Variants in ARFGEF3 observed in about 807,000 individuals in gnomAD.
ARFGEF3 encodes brefeldin A-inhibited guanine nucleotide-exchange protein 3.
ARFGEF3 carries 96 observed loss-of-function variants against 221.7 expected under a neutral mutation model. The observed-to-expected ratio is 0.43, with a 90% CI of 0.37 to 0.51. ARFGEF3 has a LOEUF of 0.51. ARFGEF3 is among the 20% of genes least tolerant of loss of function. The probability of loss-of-function intolerance (pLI) is 0.00; values close to 1 mark genes in which losing one functional copy is unlikely to be tolerated. For synonymous variants in ARFGEF3, 1,145 were observed against 1,126.8 expected (o/e 1.02, Z -0.32); for missense variants, 2,410 against 2,789.9 (o/e 0.86, Z 3.07).
At chr6:138,299,791 A>T (rs1218364081) in intron 22 of ARFGEF3, among the ~76,000 whole-genome samples, 1 of 152,226 alleles carries the variant, frequency 6.6e-6, no homozygotes. Context: ...AATTAAAACA[A>T]ACTTCCTGAG....
In ARFGEF3 at chr6:138,229,849, G is replaced by A. The variant is rs563084151; in HGVS notation, c.417G>A (p.Ala139=). 32 of 1,613,224 alleles carry A rather than the reference G, an allele frequency of 2.0e-5. No homozygotes were observed. Among genetic ancestry groups the A allele is most frequent in the African/African-American group, 6.7e-5 (5 of 75,018 alleles). ...DLNGSAVLKI[A]EVCIETYISS... ...ATGGGAGTGCCGTGCTGAAGATCGC[G>A]GAGGTGAGTACTGCTTGTGTCTGTG... The change falls in exon 5 of 34, where the codon GCG becomes GCA. Residue 139 remains alanine, a synonymous_variant. Transcript: ENST00000251691.
At chr6:138,243,123 G>A (rs1214177522) in intron 7 of ARFGEF3, 129 bp downstream of exon 7, 6 of 763,262 alleles carry the variant, frequency 7.9e-6, no homozygotes, top group Non-Finnish European at 1.4e-5. Flanking sequence ...TGGAGGTTGT[G>A]CTTGGCTTTG....
At chr6:138,213,872 TG>T (rs1452310016) in intron 4 of ARFGEF3, among the ~76,000 whole-genome samples, 1 of 152,188 alleles carries the variant, frequency 6.6e-6, no homozygotes, top group Non-Finnish European at 1.5e-5. Flanking sequence ...AACTATACTT[TG>T]GGTAATGTTG....
At position 138,336,256 on chromosome 6, in the gene ARFGEF3, G is replaced by C. The variant is rs200949952; in HGVS notation, c.6343-39G>C. 3 of 1,443,152 alleles carry C rather than the reference G, an allele frequency of 2.1e-6. No individual in the cohort carries two copies. The Admixed American group carries it at 7.1e-5, about 34-fold the overall frequency. 89.4% of individuals were successfully genotyped at this position (1,443,152 alleles called of 1,614,324 possible). A position where few individuals can be genotyped will look rare whatever the true frequency, so the allele number is the denominator to read the frequency against. ...CTCTCAAGTGTTCAAATAAAACCAG[G>C]GGGGAAAGCCACTGATTTTCTTAAA... On this transcript the variant is annotated intron_variant, in intron 33 of 33. Transcript: ENST00000251691.
chr6:138,319,293 AT>A (rs1214758541), intron 27 of ARFGEF3, among the ~76,000 whole-genome samples: 4 of 151,126 alleles, frequency 2.6e-5, no homozygotes, highest in African/African-American at 9.8e-5. Flanking sequence ...AAAAAAAAAA[AT>A]GAGTATGCAG....
At chr6:138,183,431 TA>T (rs1268029551) in intron 2 of ARFGEF3, among the ~76,000 whole-genome samples, 1 of 152,218 alleles carries the variant, frequency 6.6e-6, no homozygotes, top group Non-Finnish European at 1.5e-5. Flanking sequence ...AGGATGTTTT[TA>T]TGAATGTTTG....
At chr6:138,271,056 A>G (rs1778995933) in intron 12 of ARFGEF3, among the ~76,000 whole-genome samples, 1 of 152,240 alleles carries the variant, frequency 6.6e-6, no homozygotes, top group Non-Finnish European at 1.5e-5. Flanking sequence ...GCCAGATGAT[A>G]GGCGCCTCAA....
rs1341439729 is a variant in ARFGEF3, at chr6:138,334,821, C to G, written c.5975C>G (p.Pro1992Arg). 1.2e-6 allele frequency: 2 copies of G among 1,601,256 alleles called. No homozygotes were observed. The highest frequency in any genetic ancestry group is 8.5e-7 in the Non-Finnish European group (1 of 1,174,308). ...GGGGACCTGCTGCTGCCCCCCAGCCCCAAAGTGGAGAAGAAGGATCCCAGC... is the reference window on the plus strand; with the variant it reads ...GGGGACCTGCTGCTGCCCCCCAGCCGCAAAGTGGAGAAGAAGGATCCCAGC... ...GGGDLLLPPS[P>R]KVEKKDPSRK... The change falls in exon 33 of 34, where the codon CCC (proline) becomes CGC (arginine). Residue 1992 changes from proline to arginine, a missense_variant. By Grantham distance (103) the Pro-to-Arg change is moderately radical. Coordinates refer to ENST00000251691, the MANE Select transcript of ARFGEF3 (RefSeq NM_020340.5). The surrounding 1 kb of genome is among the most constrained non-coding windows in gnomAD (Gnocchi z 5.1).
At chr6:138,285,641 T>C (rs907094449) in intron 14 of ARFGEF3, among the ~76,000 whole-genome samples, 1 of 152,016 alleles carries the variant, frequency 6.6e-6, no homozygotes, top group African/African-American at 2.4e-5. Context: ...ATAAAAAGAG[T>C]ATTTAAGATC....
intron 12 of ARFGEF3, among the ~76,000 whole-genome samples, chr6:138,266,537 C>G (rs974755388): frequency 2.6e-5 from 4 of 152,000 alleles, no homozygotes; most frequent in African/African-American, 9.7e-5. Context: ...CTACACCAAG[C>G]CTTTTGGTCT....
chr6:138,184,999 G>A (rs1051090066), intron 2 of ARFGEF3, among the ~76,000 whole-genome samples: 2 of 152,192 alleles, frequency 1.3e-5, no homozygotes, highest in African/African-American at 2.4e-5. Flanking sequence ...TTCCAATGGA[G>A]AAACCATTGC....
Position 138,308,757 on chromosome 6 carries a change from T to C in ARFGEF3, c.3992T>C (p.Val1331Ala), listed in dbSNP as rs1455902082. 1 of 1,613,810 alleles carries C rather than the reference T, an allele frequency of 6.2e-7. No individual in the cohort carries two copies. Among genetic ancestry groups the C allele is most frequent in the Non-Finnish European group, 8.5e-7 (1 of 1,179,802 alleles). The change falls in exon 24 of 34, where the codon GTG becomes GCG. Residue 1331 changes from valine to alanine, a missense_variant. Transcript: ENST00000251691. ...DYSMGKGQAP[V>A]FDVFEAFLNT... ...CCCTTAGGAAAAGGCCAAGCTCCAG[T>C]GTTTGATGTATTTGAAGCTTTTCTC...
rs1780457093 is a variant in ARFGEF3, at chr6:138,343,054, A to G, written c.*6568A>G. On this transcript the variant is annotated 3_prime_UTR_variant, in exon 34 of 34. Transcript: ENST00000251691. The stretch of plus-strand genomic sequence containing the variant: ...AATGGGAAAAATATAAAAGTGAATC[A>G]GTGTGCTTTGGGAATTCAGTGAAAT... The G allele has an allele frequency of 1.3e-5, 2 of 152,210 alleles. No homozygotes were observed. The highest frequency in any genetic ancestry group is 2.9e-5 in the Non-Finnish European group (2 of 68,046). 9.4% of individuals were successfully genotyped at this position (152,210 alleles called of 1,614,324 possible).
rs1562366051 is a variant in ARFGEF3 at position 138,245,535 on chromosome 6, T to C, written c.609T>C (p.Cys203=). ...GNQGSTVESL[C]DDVVSVLTVL... ...AAGGGTCAACAGTAGAGTCCCTCTG[T>C]GATGATGTTGTCTCTGTACTCACCG... Residue 203 remains cysteine, a synonymous_variant, in exon 8 of 34, where the codon TGT becomes TGC. Coordinates refer to ENST00000251691, the MANE Select transcript of ARFGEF3 (RefSeq NM_020340.5). The C allele has an allele frequency of 6.2e-7, 1 of 1,611,456 alleles. No homozygotes were observed. Among genetic ancestry groups the C allele is most frequent in the Non-Finnish European group, 8.5e-7 (1 of 1,178,930 alleles).
At chr6:138,313,501 G>A (rs1350074606) in intron 25 of ARFGEF3, among the ~76,000 whole-genome samples, 1 of 152,086 alleles carries the variant, frequency 6.6e-6, no homozygotes, top group African/African-American at 2.4e-5. Context: ...TGGTTCCTTC[G>A]GTAGGTTTAT....
At chr6:138,311,188 A>G (rs1362267786) in intron 24 of ARFGEF3, among the ~76,000 whole-genome samples, 1 of 152,236 alleles carries the variant, frequency 6.6e-6, no homozygotes, top group African/African-American at 2.4e-5. Flanking sequence ...TAGGAAAGGT[A>G]TGGTCCCAAC....
At chr6:138,179,906 T>C (rs1777044549) in intron 2 of ARFGEF3, among the ~76,000 whole-genome samples, 1 of 152,192 alleles carries the variant, frequency 6.6e-6, no homozygotes, top group Non-Finnish European at 1.5e-5. Flanking sequence ...AACTCCTGGA[T>C]TCAAGCAACC....
intron 1 of ARFGEF3, among the ~76,000 whole-genome samples, chr6:138,168,804 G>T (rs954634307): frequency 6.6e-6 from 1 of 152,226 alleles, no homozygotes; most frequent in Non-Finnish European, 1.5e-5. Context: ...ACAGTCCACA[G>T]TAGGACCTCC....
At chr6:138,188,987 T>G (rs937796021) in intron 2 of ARFGEF3, among the ~76,000 whole-genome samples, 2 of 152,220 alleles carry the variant, frequency 1.3e-5, no homozygotes, top group African/African-American at 4.8e-5. Flanking sequence ...AGTTGCTGTT[T>G]ATGGGAAAAT....
Sources: allele counts gnomAD v4.1 joint callset (sites outside exome capture counted in the v4.1 genomes callset), GRCh38; gene constraint gnomAD v4.1.1; non-coding constraint Gnocchi (gnomAD v3.1); transcripts MANE v1.5; gene names NCBI Gene and HGNC (gene_info 2026-07-23, HGNC 2026-07-21).